The following ZNF331 variants were observed in gnomAD, a reference collection of about 807,000 sequenced individuals.
ZNF331 encodes C2H2-like zinc finger protein rearranged in thyroid adenomas.
A neutral mutation model predicts 7.0 loss-of-function variants in ZNF331; 2 were observed. The ratio of observed to expected loss-of-function variants is 0.29; its 90% confidence interval spans 0.12 to 0.90. The LOEUF (loss-of-function observed/expected upper bound fraction) is 0.90, where lower values mean the gene tolerates loss of function less well. Among genes scored for constraint, ZNF331 ranks in the 40% least tolerant of loss-of-function variants. The pLI, the probability that ZNF331 is intolerant of heterozygous loss-of-function variation, is 0.58. For missense variants in ZNF331, 432 were observed against 587.7 expected (o/e 0.74, Z 2.74); for synonymous variants, 196 against 205.4 (o/e 0.95, Z 0.39).
chr19:53,521,511 G>A (rs2087086922), exon 1 of ZNF331: 1 of 152,302 alleles, frequency 6.6e-6, no homozygotes, highest in African/African-American at 2.4e-5. Flanking sequence ...CCCATAAACT[G>A]TGACACAGGT....
At chr19:53,520,955 C>CA (rs2087048828), upstream of ZNF331, 1 of 152,380 alleles carries the variant, frequency 6.6e-6, no homozygotes, top group East Asian at 1.9e-4. Flanking sequence ...TGCTGGGAAA[C>CA]ACTGACGGGC....
chr19:53,525,094 T>G (rs2087242117), intron 2 of ZNF331, among the ~76,000 whole-genome samples: 1 of 152,228 alleles, frequency 6.6e-6, no homozygotes, highest in South Asian at 2.1e-4. Flanking sequence ...GTGTTATTTC[T>G]GAGGCCTCTG....
chr19:53,519,841 TG>T (rs1568452674), upstream of ZNF331, among the ~76,000 whole-genome samples: 1 of 151,360 alleles, frequency 6.6e-6, no homozygotes, highest in Admixed American at 6.6e-5. Context: ...TACTGGGGGG[TG>T]GGGGAAAGGG....
At chr19:53,566,512 G>A (rs536410912) in intron 3 of ZNF331, among the ~76,000 whole-genome samples, 6 of 152,198 alleles carry the variant, frequency 3.9e-5, no homozygotes, top group East Asian at 1.9e-4. Context: ...ACACTGCCTC[G>A]CACAATCTGA....
upstream of ZNF331, among the ~76,000 whole-genome samples, chr19:53,520,561 G>A (rs1463627284): frequency 6.6e-6 from 1 of 152,068 alleles, no homozygotes; most frequent in Non-Finnish European, 1.5e-5. Flanking sequence ...TCTGAAATAC[G>A]CTTTCCCAGA....
intron 4 of ZNF331, among the ~76,000 whole-genome samples, chr19:53,570,226 A>G (rs1483241439): frequency 6.9e-6 from 1 of 145,920 alleles, no homozygotes; most frequent in African/African-American, 2.6e-5. Flanking sequence ...ACTGCACTCC[A>G]GCCTGGGCAA....
chr19:53,519,712 G>C (rs920536562), upstream of ZNF331, among the ~76,000 whole-genome samples: 1 of 152,194 alleles, frequency 6.6e-6, no homozygotes, highest in African/African-American at 2.4e-5. Context: ...CAGCATCAGA[G>C]AACGAAACGC....
chr19:53,506,424 CTCTCTCTCTCTCTCTCTCTG>C, the ZNF331 span, among the ~76,000 whole-genome samples: 5 of 88,642 alleles, frequency 5.6e-5, no homozygotes, highest in Non-Finnish European at 8.8e-5. Context: ...CTCTCTCTCT[CTCTCTCTCTCTCTCTCTCTG>C]TCTCTCTCTC....
upstream of ZNF331, among the ~76,000 whole-genome samples, chr19:53,515,120 T>C (rs577997156): frequency 2.0e-5 from 3 of 152,328 alleles, no homozygotes; most frequent in African/African-American, 7.2e-5. Flanking sequence ...CACAGGCTTA[T>C]TGTAAAATAA....
At chr19:53,549,233 A>G (rs1195792640) in intron 2 of ZNF331, among the ~76,000 whole-genome samples, 1 of 152,168 alleles carries the variant, frequency 6.6e-6, no homozygotes, top group Admixed American at 6.5e-5. Context: ...ACCTTTGTCA[A>G]AGATCAGTTG....
chr19:53,504,132 A>G, the ZNF331 span: 128 of 348,942 alleles, frequency 3.7e-4, no homozygotes, highest in African/African-American at 2.5e-3. Context: ...CTCTCTCTTC[A>G]CCTTTCAAGT....
intron 2 of ZNF331, among the ~76,000 whole-genome samples, chr19:53,540,855 T>G (rs1269603796): frequency 1.3e-5 from 2 of 152,154 alleles, no homozygotes; most frequent in Non-Finnish European, 2.9e-5. Context: ...CCCTTTTCCA[T>G]CACGTCACTC....
At chr19:53,530,931 G>C (rs936359354) in intron 2 of ZNF331, among the ~76,000 whole-genome samples, 1 of 152,188 alleles carries the variant, frequency 6.6e-6, no homozygotes, top group African/African-American at 2.4e-5. Flanking sequence ...AGGGAGGTCA[G>C]CTACACAGTC....
At chr19:53,541,902 A>G (rs1451335106) in intron 2 of ZNF331, among the ~76,000 whole-genome samples, 1 of 151,976 alleles carries the variant, frequency 6.6e-6, no homozygotes, top group African/African-American at 2.4e-5. Flanking sequence ...AGTTTCAGCT[A>G]CTCAGAAGGC....
intron 5 of ZNF331, among the ~76,000 whole-genome samples, chr19:53,575,349 T>C (rs73051584): frequency 0.015 from 2,213 of 152,274 alleles, 26 homozygotes; most frequent in Non-Finnish European, 0.023. Context: ...TTGCTGTTTC[T>C]CAGTCCTTTG....
rs1300132990 is a variant in ZNF331 at position 53,573,417 on chromosome 19, A to G, written c.136+1687A>G. 6.6e-6 allele frequency among the ~76,000 whole-genome samples: 1 copy of G among 151,188 alleles called. No individual in the cohort carries two copies. The highest frequency in any genetic ancestry group is 1.5e-5 in the Non-Finnish European group (1 of 67,820). ...GTAATTCCAGCTACTTGGGAGGCTG[A>G]GGCAGGAGAATCACTTGAACCCGGG... is the stretch of plus-strand genomic sequence containing the variant. On this transcript the variant is annotated intron_variant, in intron 5 of 5. Coordinates refer to ENST00000449416, the MANE Select transcript of ZNF331 (RefSeq NM_001079906.2). The surrounding 1 kb of genome is among the most constrained non-coding windows in gnomAD (Gnocchi z 4.2).
intron 2 of ZNF331, among the ~76,000 whole-genome samples, chr19:53,525,906 T>A (rs1359764786): frequency 6.6e-6 from 1 of 152,234 alleles, no homozygotes; most frequent in Non-Finnish European, 1.5e-5. Context: ...TGATGTTAGC[T>A]ATGTGCTTGT....
chr19:53,562,849 A>G (rs868443665), intron 3 of ZNF331, among the ~76,000 whole-genome samples: 6 of 151,666 alleles, frequency 4.0e-5, no homozygotes, highest in Non-Finnish European at 5.9e-5. Context: ...ATAGCCGGGC[A>G]TGGTGACGCA....
chr19:53,549,282 A>G (rs1568490459), intron 2 of ZNF331, among the ~76,000 whole-genome samples: 1 of 152,038 alleles, frequency 6.6e-6, no homozygotes, highest in Non-Finnish European at 1.5e-5. Flanking sequence ...CTGTTCTTCC[A>G]TTGTGTGTGT....
Sources: gnomAD v4.1 joint callset for allele counts (sites outside exome capture counted in the v4.1 genomes callset) on GRCh38, gnomAD v4.1.1 for gene constraint, Gnocchi (gnomAD v3.1) non-coding constraint, MANE v1.5 for transcripts, NCBI Gene and HGNC (gene_info 2026-07-23, HGNC 2026-07-21) for gene names.